The following FBXL4 variants were observed in gnomAD, a reference collection of about 807,000 sequenced individuals.
FBXL4 encodes the protein F-box/LRR-repeat protein 4.
In FBXL4, 40 loss-of-function variants were observed where a neutral mutation model predicts 58.9. The observed-to-expected ratio is 0.68, with a 90% CI of 0.53 to 0.88. The LOEUF (loss-of-function observed/expected upper bound fraction) is 0.88. FBXL4 is among the 40% of genes least tolerant of loss of function. The pLI, the probability that FBXL4 is intolerant of heterozygous loss-of-function variation, is 0.00. For missense variants in FBXL4, 676 were observed against 734.4 expected (o/e 0.92, Z 0.92); for synonymous variants, 263 against 265.5 (o/e 0.99, Z 0.09).
In FBXL4 at chr6:98,885,988, G is replaced by A. The variant is rs969686007; in HGVS notation, c.1318-5364C>T. On this transcript the variant is annotated intron_variant, in intron 7 of 9. Transcript: ENST00000369244. ...CAGGGGCCTCTGGTCACAAGCTGAA[G>A]GGGAACTGTAGCAACATCCCCCTGA... 1.4e-3 allele frequency among the ~76,000 whole-genome samples: 214 copies of A among 152,238 alleles called. 1 individual carries two copies. The highest frequency in any genetic ancestry group is 1.9e-4 in the Non-Finnish European group (13 of 68,018).
At chr6:98,907,336 T>C (rs565116801) in intron 5 of FBXL4, among the ~76,000 whole-genome samples, 38 of 152,254 alleles carry the variant, frequency 2.5e-4, no homozygotes, top group African/African-American at 7.7e-4. Flanking sequence ...AGAAAGATCA[T>C]TGTGGGCGTG....
intron 1 of FBXL4, among the ~76,000 whole-genome samples, chr6:98,942,825 T>C (rs553746609): frequency 3.9e-5 from 6 of 152,212 alleles, no homozygotes; most frequent in African/African-American, 1.4e-4. Context: ...TCTCAACTTA[T>C]TAATGGGAAG....
At chr6:98,907,615 A>G (rs1422356949) in intron 5 of FBXL4, among the ~76,000 whole-genome samples, 1 of 152,196 alleles carries the variant, frequency 6.6e-6, no homozygotes. Context: ...TGAACTAACA[A>G]ATATAAAGGA....
At chr6:98,881,645 T>C (rs1034463862) in intron 7 of FBXL4, among the ~76,000 whole-genome samples, 2 of 152,064 alleles carry the variant, frequency 1.3e-5, no homozygotes, top group African/African-American at 4.8e-5. Context: ...ATTTCTCAAA[T>C]GTAAGGTTAC....
intron 1 of FBXL4, among the ~76,000 whole-genome samples, chr6:98,944,337 A>G (rs1227341749): frequency 6.6e-6 from 1 of 152,222 alleles, no homozygotes; most frequent in South Asian, 2.1e-4. Context: ...TAATAGCCAC[A>G]ATATGTAAAG....
chr6:98,876,333 A>C (rs1770661238), intron 8 of FBXL4, among the ~76,000 whole-genome samples: 1 of 152,178 alleles, frequency 6.6e-6, no homozygotes, highest in South Asian at 2.1e-4. Context: ...ACAAGACTCT[A>C]CTAATCAAGG....
chr6:98,929,786 C>G (rs1482927580), intron 2 of FBXL4, among the ~76,000 whole-genome samples: 1 of 152,056 alleles, frequency 6.6e-6, no homozygotes, highest in Non-Finnish European at 1.5e-5. Context: ...GAAAGGATCA[C>G]CCTATCCATG....
In FBXL4 at chr6:98,873,547, G is replaced by C. The variant is rs1770551961; in HGVS notation, c.*731C>G. On this transcript the variant is annotated 3_prime_UTR_variant, in exon 10 of 10. Coordinates refer to ENST00000369244, the MANE Select transcript of FBXL4 (RefSeq NM_001278716.2). Reference sequence around the variant, plus strand: ...ATTGGCATTATCCAGTAGTGAAATAGACAAAAATATCAGAAGAAAAGTGGA... The same window carrying C: ...ATTGGCATTATCCAGTAGTGAAATACACAAAAATATCAGAAGAAAAGTGGA... The C allele has an allele frequency of 6.6e-6, 1 of 151,806 alleles. No individual in the cohort carries two copies. Among genetic ancestry groups the C allele is most frequent in the Admixed American group, 6.6e-5 (1 of 15,210 alleles). The allele number at this position is 151,806 out of a possible 1,614,324, so 9.4% of individuals were successfully genotyped here.
intron 6 of FBXL4, 30 bp downstream of exon 6, chr6:98,905,396 A>T (rs6935315): frequency 6.2e-7 from 1 of 1,600,438 alleles, no homozygotes; most frequent in South Asian, 1.1e-5. Context: ...GCTGGGGGGG[A>T]AAAAAACTTC....
At chr6:98,936,553 G>GATGA (rs1214949850) in intron 1 of FBXL4, among the ~76,000 whole-genome samples, 1 of 152,116 alleles carries the variant, frequency 6.6e-6, no homozygotes, top group East Asian at 1.9e-4. Context: ...CGACAATGAG[G>GATGA]ATGAATACCT....
intron 8 of FBXL4, among the ~76,000 whole-genome samples, chr6:98,879,331 G>GA (rs976328420): frequency 6.6e-6 from 1 of 152,140 alleles, no homozygotes; most frequent in Non-Finnish European, 1.5e-5. Flanking sequence ...ATGGTCTGGG[G>GA]ATCTCCTAAA....
chr6:98,915,867 A>C (rs1197666850), intron 5 of FBXL4, among the ~76,000 whole-genome samples: 2 of 151,054 alleles, frequency 1.3e-5, no homozygotes, highest in Non-Finnish European at 3.0e-5. Flanking sequence ...AGAAACTACC[A>C]TCAGAGTGAA....
rs1243077742 is a variant in FBXL4, at chr6:98,871,399, A to G, written c.*2879T>C. ...ACTGCCTAGTTATTGCTTATTTGAT[A>G]AGTCAATGCCAACGTTGAAGTGACT... On this transcript the variant is annotated 3_prime_UTR_variant, in exon 10 of 10. Coordinates refer to ENST00000369244, the MANE Select transcript of FBXL4 (RefSeq NM_001278716.2). 3 of 152,204 alleles carry G rather than the reference A, an allele frequency of 2.0e-5. No individual in the cohort carries two copies. Among genetic ancestry groups the G allele is most frequent in the African/African-American group, 7.2e-5 (3 of 41,456 alleles). The allele number at this position is 152,204 out of a possible 1,614,324, so 9.4% of individuals were successfully genotyped here.
chr6:98,883,696 A>G (rs1357365432), intron 7 of FBXL4, among the ~76,000 whole-genome samples: 1 of 151,848 alleles, frequency 6.6e-6, no homozygotes, highest in Non-Finnish European at 1.5e-5. Context: ...TTTCTGTCAT[A>G]TATAAGGTTT....
At chr6:98,913,964 TA>T (rs1441698481) in intron 5 of FBXL4, among the ~76,000 whole-genome samples, 2 of 151,916 alleles carry the variant, frequency 1.3e-5, no homozygotes, top group Non-Finnish European at 2.9e-5. Flanking sequence ...ACGGACTCAA[TA>T]AAAAATGATA....
rs936141288 is a variant in FBXL4, at chr6:98,873,269, AATATATAATTATATAAT to A, written c.*992_*1008del. The A allele has an allele frequency of 1.4e-5, 2 of 147,698 alleles. No homozygotes were observed. The highest frequency in any genetic ancestry group is 2.5e-5 in the African/African-American group (1 of 40,702). The allele number at this position is 147,698 out of a possible 1,614,324, so 9.1% of individuals were successfully genotyped here. A position where few individuals can be genotyped will look rare whatever the true frequency, so the allele number is the denominator to read the frequency against. The stretch of plus-strand genomic sequence containing the variant: ...TGTACATTACATATAATATAAATGT[AATATATAATTATATAAT>A]ATATAATATATACATGTATATATTA... On this transcript the variant is annotated 3_prime_UTR_variant, in exon 10 of 10. Transcript: ENST00000369244.
chr6:98,885,015 C>G (rs750095245), intron 7 of FBXL4, among the ~76,000 whole-genome samples: 11 of 152,148 alleles, frequency 7.2e-5, no homozygotes, highest in Non-Finnish European at 1.0e-4. Context: ...TGATATAGGT[C>G]ACTTTCAATA....
intron 4 of FBXL4, among the ~76,000 whole-genome samples, chr6:98,920,865 A>AAAGCTC (rs1238257249): frequency 6.7e-6 from 1 of 149,760 alleles, no homozygotes; most frequent in Non-Finnish European, 1.5e-5. Flanking sequence ...CATTCTGGAG[A>AAAGCTC]AAGCTCAACT....
chr6:98,892,648 G>A (rs111679327), intron 7 of FBXL4, among the ~76,000 whole-genome samples: 2 of 152,290 alleles, frequency 1.3e-5, no homozygotes, highest in African/African-American at 2.4e-5. Flanking sequence ...TTAACAGTCA[G>A]GCTGGTGTGC....
Sources: allele counts gnomAD v4.1 joint callset (sites outside exome capture counted in the v4.1 genomes callset), GRCh38; gene constraint gnomAD v4.1.1; transcripts MANE v1.5; gene names NCBI Gene and HGNC (gene_info 2026-07-23, HGNC 2026-07-21).